ANO1: variants seen among roughly 807,000 people sequenced by gnomAD.
ANO1 encodes anoctamin-1.
Under a neutral mutation model 124.0 loss-of-function variants are expected in ANO1, and 59 were observed. That is an observed-to-expected ratio of 0.48 (90% CI 0.39 to 0.59). ANO1 has a LOEUF of 0.59. Ranked by LOEUF, ANO1 falls within the 20% of genes least tolerant of loss-of-function variation. The probability of loss-of-function intolerance (pLI) is 0.00; values close to 1 mark genes in which losing one functional copy is unlikely to be tolerated. For synonymous variants in ANO1, 529 were observed against 532.0 expected (o/e 0.99, Z 0.08); for missense variants, 1,059 against 1,328.0 (o/e 0.80, Z 3.15).
At chr11:70,082,512 A>G (rs1160794575) in intron 1 of ANO1, among the ~76,000 whole-genome samples, 1 of 152,230 alleles carries the variant, frequency 6.6e-6, no homozygotes, top group Non-Finnish European at 1.5e-5. Context: ...GTGAGCCAAG[A>G]TCGCACCACT....
chr11:70,165,363 TTGGAG>T, intron 19 of ANO1, 102 bp from the exon 20 acceptor site: 1 of 903,730 alleles, frequency 1.1e-6, no homozygotes, highest in South Asian at 1.4e-5. Context: ...GCGTCTTTTT[TTGGAG>T]GACGCAGGTC....
chr11:70,026,311 G>A (rs962839185), intron 1 of ANO1, among the ~76,000 whole-genome samples: 1 of 151,496 alleles, frequency 6.6e-6, no homozygotes, highest in Admixed American at 6.6e-5. Context: ...TAGTGGTAAT[G>A]ATGGCATTGA....
At chr11:70,047,401 A>G (rs1258517327) in intron 1 of ANO1, among the ~76,000 whole-genome samples, 1 of 152,226 alleles carries the variant, frequency 6.6e-6, no homozygotes, top group Non-Finnish European at 1.5e-5. Flanking sequence ...AGATTGAAAC[A>G]CATTGGAGAT....
chr11:69,995,297 C>T (rs957478783), intron 1 of ANO1, among the ~76,000 whole-genome samples: 1 of 152,062 alleles, frequency 6.6e-6, no homozygotes, highest in South Asian at 2.1e-4. Context: ...TGGGCTTTCA[C>T]CATGTTGGCC....
intron 1 of ANO1, among the ~76,000 whole-genome samples, chr11:70,046,919 C>G (rs1857268221): frequency 1.3e-5 from 2 of 151,474 alleles, no homozygotes; most frequent in South Asian, 4.2e-4. Context: ...ACTAAAAATA[C>G]AAAAAATAAG....
chr11:70,016,935 C>T (rs1003475437), intron 1 of ANO1, among the ~76,000 whole-genome samples: 1 of 152,254 alleles, frequency 6.6e-6, no homozygotes, highest in African/African-American at 2.4e-5. Flanking sequence ...ACTCTTCTAC[C>T]AAGTGTCACT....
intron 1 of ANO1, among the ~76,000 whole-genome samples, chr11:70,002,019 G>A (rs528059872): frequency 1.3e-5 from 2 of 152,194 alleles, no homozygotes; most frequent in African/African-American, 4.8e-5. Flanking sequence ...GGTCAATGAC[G>A]AACCACATAC....
At chr11:70,008,547 A>T (rs1289259048) in intron 1 of ANO1, among the ~76,000 whole-genome samples, 3 of 151,910 alleles carry the variant, frequency 2.0e-5, no homozygotes, top group South Asian at 2.1e-4. Flanking sequence ...AGATCATTTG[A>T]CCATGTCCAG....
rs374910078 is a variant in ANO1, at chr11:70,087,873, G to A, written c.230G>A (p.Arg77Gln). ...CATCACAAGAGGCCCTCGGGCAACC[G>A]GACCCTGGTCAGGAGGGTGCAGCAC... The part of the protein sequence containing the change: ...VYHHKRPSGN[R>Q]TLVRRVQHSD... The change falls in exon 2 of 26, where the codon CGG becomes CAG. Residue 77 changes from arginine to glutamine, a missense_variant. Arg to Gln is a conservative substitution (Grantham distance 43). Coordinates refer to ENST00000355303, the MANE Select transcript of ANO1 (RefSeq NM_018043.7). The A allele has an allele frequency of 1.6e-5, 26 of 1,612,196 alleles. No individual in the cohort carries two copies. Among genetic ancestry groups the A allele is most frequent in the Middle Eastern group, 1.6e-4 (1 of 6,080 alleles).
intron 12 of ANO1, among the ~76,000 whole-genome samples, chr11:70,151,382 G>C (rs1430800838): frequency 6.6e-6 from 1 of 152,114 alleles, no homozygotes; most frequent in Non-Finnish European, 1.5e-5. Context: ...AGCGGGGGCA[G>C]AGCCCAGAGC....
At chr11:69,969,074 G>A in the ANO1 span, among the ~76,000 whole-genome samples, 27 of 152,278 alleles carry the variant, frequency 1.8e-4, no homozygotes, top group Non-Finnish European at 3.7e-4. Context: ...AGCCAGCCGT[G>A]GTCTTTCTTG....
chr11:70,094,356 G>A (rs145719811), intron 2 of ANO1, among the ~76,000 whole-genome samples: 228 of 152,332 alleles, frequency 1.5e-3, no homozygotes, highest in African/African-American at 5.3e-3. Context: ...GGCAGGTGTG[G>A]GAGGCAGTCC....
chr11:70,164,074 C>A (rs1194974197), intron 19 of ANO1, among the ~76,000 whole-genome samples: 2 of 152,142 alleles, frequency 1.3e-5, no homozygotes, highest in African/African-American at 4.8e-5. Flanking sequence ...CCCAGCGATC[C>A]TGGCCATAGA....
At chr11:69,986,929 C>A (rs1389591540) in intron 1 of ANO1, among the ~76,000 whole-genome samples, 1 of 152,172 alleles carries the variant, frequency 6.6e-6, no homozygotes, top group Non-Finnish European at 1.5e-5. Context: ...CCTTCTGAAG[C>A]CCTGGTTAGG....
intron 1 of ANO1, among the ~76,000 whole-genome samples, chr11:69,989,690 C>T (rs1856117201): frequency 6.6e-6 from 1 of 152,128 alleles, no homozygotes; most frequent in African/African-American, 2.4e-5. Context: ...TCTGGCTGTC[C>T]TACAGAGAAA....
intron 1 of ANO1, chr11:70,016,374 T>A (rs117258388): frequency 0.011 from 1,652 of 152,376 alleles, 16 homozygotes; most frequent in Non-Finnish European, 0.014. Context: ...TAATGGAATT[T>A]GAGAATGCGT....
At chr11:70,085,680 C>A in intron 1 of ANO1, 1 of 1,466,564 alleles carries the variant, frequency 6.8e-7, no homozygotes, top group Non-Finnish European at 9.0e-7. Flanking sequence ...GGTGGGGCAG[C>A]CCCCAACCAG....
At chr11:70,050,156 T>C (rs940998996) in intron 1 of ANO1, among the ~76,000 whole-genome samples, 3 of 152,202 alleles carry the variant, frequency 2.0e-5, no homozygotes, top group Non-Finnish European at 1.5e-5. Flanking sequence ...ACATGGTCCC[T>C]TCACCTGGAA....
chr11:70,152,225 C>T (rs1319014823), intron 12 of ANO1, among the ~76,000 whole-genome samples: 1 of 151,494 alleles, frequency 6.6e-6, no homozygotes, highest in African/African-American at 2.4e-5. Flanking sequence ...ATCCCAGCTA[C>T]TCAGGAGGCT....
Sources: allele counts gnomAD v4.1 joint callset (sites outside exome capture counted in the v4.1 genomes callset), GRCh38; gene constraint gnomAD v4.1.1; transcripts MANE v1.5; gene names NCBI Gene and HGNC (gene_info 2026-07-23, HGNC 2026-07-21).